Variants in RABGAP1 observed in about 807,000 individuals in gnomAD.
RABGAP1 encodes rab GTPase-activating protein 1.
RABGAP1 carries 23 observed loss-of-function variants against 137.6 expected under a neutral mutation model. That is an observed-to-expected ratio of 0.17 (90% CI 0.12 to 0.24). The LOEUF (loss-of-function observed/expected upper bound fraction) is 0.24. RABGAP1 is among the 10% of genes least tolerant of loss of function. The pLI is 1.00. For synonymous variants in RABGAP1, 451 were observed against 450.7 expected (o/e 1.00, Z -0.01); for missense variants, 906 against 1,275.8 (o/e 0.71, Z 4.42).
the RABGAP1 span, among the ~76,000 whole-genome samples, chr9:122,935,431 G>A: frequency 5.8e-4 from 88 of 151,970 alleles, no homozygotes; most frequent in Non-Finnish European, 1.1e-3. Context: ...TCTGCCTCCC[G>A]GGTTCAATTG....
chr9:122,950,441 T>C (rs931163396), intron 1 of RABGAP1, among the ~76,000 whole-genome samples: 1 of 127,744 alleles, frequency 7.8e-6, no homozygotes, highest in Non-Finnish European at 1.6e-5. Flanking sequence ...GGATAGAGAA[T>C]CTAGAAAGAA....
chr9:122,956,341 C>A (rs1423044295), intron 1 of RABGAP1, among the ~76,000 whole-genome samples: 2 of 151,992 alleles, frequency 1.3e-5, no homozygotes, highest in South Asian at 2.1e-4. Context: ...CTAGGAAAAC[C>A]TTATTGTGCC....
At chr9:123,048,855 G>A (rs944567239) in intron 13 of RABGAP1, among the ~76,000 whole-genome samples, 1 of 152,222 alleles carries the variant, frequency 6.6e-6, no homozygotes, top group African/African-American at 2.4e-5. Flanking sequence ...AGCAAACCAG[G>A]AAAAGGTTGA....
chr9:122,975,484 C>T (rs1020849299), intron 2 of RABGAP1, among the ~76,000 whole-genome samples: 75 of 152,164 alleles, frequency 4.9e-4, no homozygotes, highest in African/African-American at 1.7e-3. Context: ...TAAGATATTG[C>T]CCTTATTTGA....
intron 11 of RABGAP1, among the ~76,000 whole-genome samples, chr9:123,012,736 T>G (rs906146529): frequency 1.3e-5 from 2 of 152,210 alleles, no homozygotes; most frequent in African/African-American, 4.8e-5. Flanking sequence ...ACATCTGATA[T>G]GTAGTTGGTG....
chr9:123,046,358 AT>A (rs1434650231), intron 13 of RABGAP1, among the ~76,000 whole-genome samples: 2 of 152,120 alleles, frequency 1.3e-5, no homozygotes, highest in African/African-American at 4.8e-5. Context: ...AGAAAATACA[AT>A]TTTGGCAGCT....
chr9:122,945,369 T>G (rs1335558515), intron 1 of RABGAP1: 1 of 152,024 alleles, frequency 6.6e-6, no homozygotes, highest in Non-Finnish European at 1.5e-5. Flanking sequence ...CTTGAACACA[T>G]TAGTTTATAC....
chr9:123,093,237 TCA>T (rs1254418702), intron 21 of RABGAP1, among the ~76,000 whole-genome samples: 1 of 152,234 alleles, frequency 6.6e-6, no homozygotes, highest in Non-Finnish European at 1.5e-5. Context: ...CTTTTGTTAT[TCA>T]TCACCTGTCA....
intron 19 of RABGAP1, among the ~76,000 whole-genome samples, chr9:123,080,690 A>G (rs951126996): frequency 1.3e-5 from 2 of 152,190 alleles, no homozygotes; most frequent in African/African-American, 4.8e-5. Context: ...TGAGTCCATT[A>G]GACCTCGAAA....
intron 11 of RABGAP1, among the ~76,000 whole-genome samples, chr9:123,013,474 G>A (rs1418495901): frequency 6.6e-6 from 1 of 151,992 alleles, no homozygotes; most frequent in East Asian, 1.9e-4. Context: ...TGGGATTACA[G>A]GTGCCCACAC....
chr9:122,981,591 A>G (rs1588208941), intron 2 of RABGAP1, among the ~76,000 whole-genome samples: 1 of 152,294 alleles, frequency 6.6e-6, no homozygotes, highest in East Asian at 1.9e-4. Flanking sequence ...GACTTAGTTA[A>G]TTGGAAACTC....
intron 2 of RABGAP1, among the ~76,000 whole-genome samples, chr9:122,978,505 C>T (rs1183188125): frequency 1.3e-5 from 2 of 152,140 alleles, no homozygotes; most frequent in Non-Finnish European, 2.9e-5. Flanking sequence ...ATTGGTGGCT[C>T]ATTCCTGTAA....
intron 13 of RABGAP1, among the ~76,000 whole-genome samples, chr9:123,031,340 T>G (rs549257623): frequency 2.6e-5 from 4 of 152,272 alleles, no homozygotes; most frequent in Non-Finnish European, 5.9e-5. Flanking sequence ...GGTTTAAAAA[T>G]AAAGTCTATG....
chr9:123,026,100 G>A (rs1160178329), intron 13 of RABGAP1, among the ~76,000 whole-genome samples: 1 of 151,386 alleles, frequency 6.6e-6, no homozygotes, highest in Non-Finnish European at 1.5e-5. Context: ...GAGGCTGGTG[G>A]ATTACCTGAG....
intron 3 of RABGAP1, 90 bp downstream of exon 3, chr9:122,984,809 C>T: frequency 8.4e-7 from 1 of 1,186,000 alleles, no homozygotes; most frequent in African/African-American, 1.5e-5. Context: ...TTAGAACAGG[C>T]AAAACCATTG....
intron 2 of RABGAP1, among the ~76,000 whole-genome samples, chr9:122,961,668 A>G (rs1002821190): frequency 6.6e-6 from 1 of 152,216 alleles, no homozygotes; most frequent in South Asian, 2.1e-4. Context: ...TGTGTTGTGT[A>G]TATATCATGT....
intron 10 of RABGAP1, among the ~76,000 whole-genome samples, chr9:123,008,657 T>A (rs2030527105): frequency 1.3e-5 from 2 of 152,190 alleles, no homozygotes; most frequent in South Asian, 4.1e-4. Flanking sequence ...ATTCTCTTTC[T>A]TATTAAAGTA....
At chr9:122,998,540 A>T in intron 9 of RABGAP1, 57 bp from the exon 10 acceptor site, 1 of 1,277,426 alleles carries the variant, frequency 7.8e-7, no homozygotes. Context: ...GAATCTTATG[A>T]GCAAATATAT....
chr9:123,035,380 T>C, intron 13 of RABGAP1: 1 of 1,614,164 alleles, frequency 6.2e-7, no homozygotes, highest in Non-Finnish European at 8.5e-7. Flanking sequence ...TATCATCTAC[T>C]TCTTGTTGGA....
Sources: allele counts gnomAD v4.1 joint callset (sites outside exome capture counted in the v4.1 genomes callset), GRCh38; gene constraint gnomAD v4.1.1; transcripts MANE v1.5; gene names NCBI Gene and HGNC (gene_info 2026-07-23, HGNC 2026-07-21).